HTR2A: variants seen among roughly 807,000 people sequenced by gnomAD.
HTR2A encodes the protein 5-hydroxytryptamine receptor 2A, also known as 5-HT2 receptor.
A neutral mutation model predicts 31.0 loss-of-function variants in HTR2A; 14 were observed. The observed-to-expected ratio is 0.45, with a 90% CI of 0.30 to 0.71. HTR2A has a LOEUF of 0.71. Ranked by LOEUF, HTR2A falls within the 30% of genes least tolerant of loss-of-function variation. The pLI is 0.09. For missense variants in HTR2A, 442 were observed against 573.3 expected, an observed-to-expected ratio of 0.77 and a Z score of 2.34; for synonymous variants, 209 against 225.2, an observed-to-expected ratio of 0.93 and a Z score of 0.64.
intron 3 of HTR2A, among the ~76,000 whole-genome samples, chr13:46,863,917 A>G (rs147562716): frequency 7.9e-5 from 12 of 152,256 alleles, no homozygotes; most frequent in African/African-American, 2.2e-4. Context: ...CCATTACTGA[A>G]TATATACCCA....
chr13:46,877,071 G>T (rs139364280), intron 3 of HTR2A, among the ~76,000 whole-genome samples: 2 of 152,272 alleles, frequency 1.3e-5, no homozygotes, highest in East Asian at 3.9e-4. Context: ...TTGATGCCTA[G>T]ACTGTGGAAT....
In HTR2A at chr13:46,835,003, A is replaced by G. The variant is rs907675185; in HGVS notation, c.1250T>C (p.Leu417Ser). The G allele has an allele frequency of 6.2e-7, 1 of 1,614,176 alleles. No homozygotes were observed. The highest frequency in any genetic ancestry group is 8.5e-7 in the Non-Finnish European group (1 of 1,180,000). The change falls in exon 4 of 4, where the codon TTG becomes TCG. Residue 417 changes from leucine to serine, a missense_variant. Leu to Ser is a moderately radical substitution (Grantham distance 145, BLOSUM62 -2). Coordinates refer to ENST00000542664, the MANE Select transcript of HTR2A (RefSeq NM_000621.5). ...TTGAAGTTGGCTAGACTTGTAGGCC[A>G]AAGCCGGTATTGTGTTCACTAAAAT... ...QLILVNTIPALAYKSSQLQMG... is the reference protein window; with the variant it reads ...QLILVNTIPASAYKSSQLQMG...
intron 2 of HTR2A, among the ~76,000 whole-genome samples, chr13:46,894,930 T>TG (rs1279777512): frequency 6.6e-6 from 1 of 152,210 alleles, no homozygotes; most frequent in African/African-American, 2.4e-5. Context: ...CAATTAAAAC[T>TG]GGAGTAATTC....
intron 2 of HTR2A, among the ~76,000 whole-genome samples, chr13:46,894,409 C>A (rs1014586445): frequency 6.6e-6 from 1 of 152,190 alleles, no homozygotes; most frequent in Non-Finnish European, 1.5e-5. Flanking sequence ...AAAGGGCAGG[C>A]AAATTAAATG....
At chr13:46,869,866 G>A (rs1473958957) in intron 3 of HTR2A, among the ~76,000 whole-genome samples, 1 of 152,130 alleles carries the variant, frequency 6.6e-6, no homozygotes, top group Non-Finnish European at 1.5e-5. Flanking sequence ...TGAATTAAGA[G>A]ACAGCAGATT....
intron 3 of HTR2A, among the ~76,000 whole-genome samples, chr13:46,884,663 C>T (rs147448412): frequency 6.6e-6 from 1 of 152,190 alleles, no homozygotes; most frequent in Non-Finnish European, 1.5e-5. Flanking sequence ...GACTCTGTCT[C>T]AAGATAAAAA....
intron 3 of HTR2A, among the ~76,000 whole-genome samples, chr13:46,890,536 G>A (rs1438597404): frequency 6.6e-6 from 1 of 152,166 alleles, no homozygotes; most frequent in Non-Finnish European, 1.5e-5. Flanking sequence ...ATCATCCTGT[G>A]CAACTGAGTT....
Position 46,895,809 on chromosome 13 carries a change from T to G in HTR2A, c.98A>C (p.Asn33Thr). 1 of 1,614,112 alleles carries G rather than the reference T, an allele frequency of 6.2e-7. No individual in the cohort carries two copies. Among genetic ancestry groups the G allele is most frequent in the Non-Finnish European group, 8.5e-7 (1 of 1,180,004 alleles). The change falls in exon 2 of 4, where the codon AAC becomes ACC. Residue 33 changes from asparagine (N) to threonine (T), a missense_variant. Coordinates refer to ENST00000542664, the MANE Select transcript of HTR2A (RefSeq NM_000621.5). This position sits in a 1 kb window ranked among gnomAD's most constrained non-coding sequence, Gnocchi z 4.4. ...ATCAGAAGTGTTAGCTTCTCCGGAGTTAAAGTCATTACTGTAGAGCCTGGT... is the reference window on the plus strand; with the variant it reads ...ATCAGAAGTGTTAGCTTCTCCGGAGGTAAAGTCATTACTGTAGAGCCTGGT... ...DDTRLYSNDF[N>T]SGEANTSDAF...
intron 3 of HTR2A, among the ~76,000 whole-genome samples, chr13:46,846,983 ACTC>A (rs1310351238): frequency 6.6e-6 from 1 of 151,896 alleles, no homozygotes; most frequent in Admixed American, 6.6e-5. Context: ...GGGGTGGCTG[ACTC>A]CTCCTGTTTG....
intron 3 of HTR2A, among the ~76,000 whole-genome samples, chr13:46,872,530 C>T (rs2770297): frequency 0.74 from 112,860 of 152,052 alleles, 42,125 homozygotes; most frequent in African/African-American, 0.82. Flanking sequence ...AGATTTGTTA[C>T]GTCTAAATTG....
At chr13:46,888,406 A>G (rs748784691) in intron 3 of HTR2A, among the ~76,000 whole-genome samples, 2 of 152,092 alleles carry the variant, frequency 1.3e-5, no homozygotes, top group East Asian at 1.9e-4. Flanking sequence ...TAAGACTGAC[A>G]GCTGGATTCT....
intron 3 of HTR2A, chr13:46,854,161 T>C (rs915509595): frequency 6.6e-6 from 1 of 152,210 alleles, no homozygotes; most frequent in Non-Finnish European, 1.5e-5. Flanking sequence ...ATTTGATTCT[T>C]AGCTAACAAA....
At position 46,871,300 on chromosome 13, in the gene HTR2A, C is replaced by T. The variant is rs561601676; in HGVS notation, c.613+21090G>A. On this transcript the variant is annotated intron_variant, in intron 3 of 3. Coordinates refer to ENST00000542664, the MANE Select transcript of HTR2A (RefSeq NM_000621.5). Reference sequence around the variant, plus strand: ...ATAAATTCAGTGGGTCAGTTTTGACCTGAAAAAGTGAAATCAGTAATGAAA... The same window carrying T: ...ATAAATTCAGTGGGTCAGTTTTGACTTGAAAAAGTGAAATCAGTAATGAAA... Among the ~76,000 whole-genome samples the T allele has an allele frequency of 5.3e-5, 8 of 152,232 alleles. No homozygotes were observed. The South Asian group carries it at 1.7e-3, about 32-fold the overall frequency.
At chr13:46,876,918 G>A (rs1950918393) in intron 3 of HTR2A, among the ~76,000 whole-genome samples, 2 of 152,060 alleles carry the variant, frequency 1.3e-5, no homozygotes, top group South Asian at 2.1e-4. Context: ...GTCCCTGCAG[G>A]TGAATGGATC....
intron 3 of HTR2A, among the ~76,000 whole-genome samples, chr13:46,837,999 A>G (rs1950573410): frequency 6.6e-6 from 1 of 152,204 alleles, no homozygotes; most frequent in African/African-American, 2.4e-5. Flanking sequence ...ATTGTTTGCA[A>G]CATTCAAGAA....
At chr13:46,888,086 C>CGA (rs1555300171) in intron 3 of HTR2A, among the ~76,000 whole-genome samples, 3 of 148,932 alleles carry the variant, frequency 2.0e-5, no homozygotes, top group Admixed American at 2.0e-4. Flanking sequence ...AAGAACAAAG[C>CGA]AAAAAAAAAA....
At chr13:46,865,111 C>T (rs1950809256) in intron 3 of HTR2A, among the ~76,000 whole-genome samples, 3 of 152,302 alleles carry the variant, frequency 2.0e-5, no homozygotes, top group Admixed American at 1.3e-4. Flanking sequence ...AACACTGATT[C>T]TCCTTCCTCC....
intron 3 of HTR2A, among the ~76,000 whole-genome samples, chr13:46,859,570 T>A (rs1950765047): frequency 6.6e-6 from 1 of 152,058 alleles, no homozygotes; most frequent in South Asian, 2.1e-4. Context: ...ATCCCCCTAG[T>A]GCTGTTTCAT....
intron 3 of HTR2A, among the ~76,000 whole-genome samples, chr13:46,873,377 C>T (rs1256898377): frequency 1.3e-5 from 2 of 149,588 alleles, no homozygotes; most frequent in Non-Finnish European, 3.0e-5. Flanking sequence ...TGTGATAATA[C>T]ATTTTATTTA....
Sources: allele counts gnomAD v4.1 joint callset (sites outside exome capture counted in the v4.1 genomes callset), GRCh38; gene constraint gnomAD v4.1.1; non-coding constraint Gnocchi (gnomAD v3.1); transcripts MANE v1.5; gene names NCBI Gene and HGNC (gene_info 2026-07-23, HGNC 2026-07-21).